Variants in PGLYRP3 observed in about 807,000 individuals in gnomAD.
PGLYRP3 encodes the protein peptidoglycan recognition protein I alpha.
PGLYRP3 carries 39 observed loss-of-function variants against 36.0 expected under a neutral mutation model. The ratio of observed to expected loss-of-function variants is 1.08; its 90% confidence interval spans 0.84 to 1.41. The LOEUF is 1.41. Ranked by LOEUF, PGLYRP3 falls within the 40% of genes most tolerant of loss-of-function variation. The pLI, the probability that PGLYRP3 is intolerant of heterozygous loss-of-function variation, is 0.00. For missense variants in PGLYRP3, 407 were observed against 427.9 expected, an observed-to-expected ratio of 0.95 and a Z score of 0.43; for synonymous variants, 204 against 172.8, an observed-to-expected ratio of 1.18 and a Z score of -1.42.
In PGLYRP3 at chr1:153,297,295, GCCCT is replaced by G; in HGVS notation, c.*657_*660del. On this transcript the variant is annotated 3_prime_UTR_variant, in exon 8 of 8. Transcript: ENST00000683862. ...TAAATCATATCTATAAATAATTACAGCCCTTAAGTAAGGGCTGCATCCAAATATG... is the reference window on the plus strand; with the variant it reads ...TAAATCATATCTATAAATAATTACAGTAAGTAAGGGCTGCATCCAAATATG... Among the ~76,000 whole-genome samples, 1 of 151,136 alleles carries G rather than the reference GCCCT, an allele frequency of 6.6e-6. No individual in the cohort carries two copies.
At chr1:153,298,999 A>G in intron 7 of PGLYRP3, 114 bp downstream of exon 7, 1 of 814,326 alleles carries the variant, frequency 1.2e-6, no homozygotes, top group South Asian at 1.5e-5. Context: ...TAAAGCTAAA[A>G]TGTTCCATTC....
intron 1 of PGLYRP3, 79 bp from the exon 2 acceptor site, chr1:153,310,785 C>A: frequency 1.1e-6 from 1 of 901,646 alleles, no homozygotes; most frequent in South Asian, 1.5e-5. Context: ...GCACCACTGT[C>A]TGCCTCCCCT....
At position 153,297,377 on chromosome 1, in the gene PGLYRP3, T is replaced by C. The variant is rs1011508444; in HGVS notation, c.*579A>G. On this transcript the variant is annotated 3_prime_UTR_variant, in exon 8 of 8. Coordinates refer to ENST00000683862, the MANE Select transcript of PGLYRP3 (RefSeq NM_052891.3). ...GGGGTGGGCACACTGACCTAGGTCA[T>C]GGGTGAGGGATGAAGGGTGGGGGCT... Among the ~76,000 whole-genome samples, 2 of 119,562 alleles carry C rather than the reference T, an allele frequency of 1.7e-5. No individual in the cohort carries two copies. Among genetic ancestry groups the C allele is most frequent in the Non-Finnish European group, 3.3e-5 (2 of 61,002 alleles). 78.4% of individuals were successfully genotyped at this position (119,562 alleles called of 152,430 possible).
chr1:153,305,293 A>G (rs1347341138), intron 3 of PGLYRP3, among the ~76,000 whole-genome samples: 1 of 152,224 alleles, frequency 6.6e-6, no homozygotes, highest in Non-Finnish European at 1.5e-5. Flanking sequence ...ACCTCACTTC[A>G]AAAATACTCA....
intron 2 of PGLYRP3, among the ~76,000 whole-genome samples, chr1:153,309,984 T>C (rs1221065013): frequency 6.6e-6 from 1 of 152,244 alleles, no homozygotes; most frequent in African/African-American, 2.4e-5. Context: ...GAGAAAGCTA[T>C]ATTACATTTT....
chr1:153,300,303 C>A (rs1474796743), intron 6 of PGLYRP3, among the ~76,000 whole-genome samples: 1 of 152,202 alleles, frequency 6.6e-6, no homozygotes, highest in African/African-American at 2.4e-5. Context: ...ATACTCCTCC[C>A]TCTAGAAGCC....
intron 6 of PGLYRP3, 46 bp downstream of exon 6, chr1:153,302,363 C>A (rs946252802): frequency 6.3e-7 from 1 of 1,595,888 alleles, no homozygotes; most frequent in African/African-American, 1.3e-5. Context: ...TTCCTTCCTA[C>A]AATCCTGAAG....
intron 7 of PGLYRP3, among the ~76,000 whole-genome samples, chr1:153,298,815 T>C (rs571173712): frequency 5.7e-4 from 87 of 152,162 alleles, no homozygotes; most frequent in African/African-American, 2.0e-3. Flanking sequence ...AGGGGACACA[T>C]TTGCCAACTG....
intron 7 of PGLYRP3, 26 bp from the exon 8 acceptor site, chr1:153,298,160 T>C: frequency 6.2e-7 from 1 of 1,607,202 alleles, no homozygotes; most frequent in Non-Finnish European, 8.5e-7. Context: ...TCCCCATCAG[T>C]CATTAGGGGC....
At chr1:153,301,211 G>A (rs532030087) in intron 6 of PGLYRP3, among the ~76,000 whole-genome samples, 2 of 152,296 alleles carry the variant, frequency 1.3e-5, no homozygotes, top group African/African-American at 4.8e-5. Flanking sequence ...ATGAGCCACC[G>A]TGCCTGGCCA....
At position 153,310,773 on chromosome 1, in the gene PGLYRP3, T is replaced by G. The variant is rs1431950204; in HGVS notation, c.-41-67A>C. 9.2e-6 allele frequency: 9 copies of G among 977,796 alleles called. No individual in the cohort carries two copies. In the African/African-American group the frequency reaches 1.5e-4, roughly 16 times the overall value. The allele number at this position is 977,796 out of a possible 1,614,324, so 60.6% of individuals were successfully genotyped here. The stretch of plus-strand genomic sequence containing the variant: ...GCAAGTGGAGCACCCACCTACTATG[T>G]GGCACCACTGTCTGCCTCCCCTACC... On this transcript the variant is annotated intron_variant, in intron 1 of 7. Coordinates refer to ENST00000683862, the MANE Select transcript of PGLYRP3 (RefSeq NM_052891.3).
chr1:153,298,962 G>C, intron 7 of PGLYRP3, 151 bp downstream of exon 7: 1 of 648,762 alleles, frequency 1.5e-6, no homozygotes, highest in South Asian at 1.9e-5. Flanking sequence ...GGGGATCCTG[G>C]TGACATCCTG....
At chr1:153,309,715 G>A (rs191218629) in intron 2 of PGLYRP3, among the ~76,000 whole-genome samples, 4 of 152,286 alleles carry the variant, frequency 2.6e-5, no homozygotes, top group East Asian at 1.9e-4. Flanking sequence ...GGAGGAGCCC[G>A]GAGAGGACAC....
intron 1 of PGLYRP3, among the ~76,000 whole-genome samples, chr1:153,311,844 AG>A (rs1659902774): frequency 6.6e-6 from 1 of 152,258 alleles, no homozygotes; most frequent in South Asian, 2.1e-4. Context: ...GGTCAGGACA[AG>A]CAACCACTTA....
rs1448180453 is a variant in PGLYRP3, at chr1:153,297,316, C to T, written c.*640G>A. 6.6e-6 allele frequency among the ~76,000 whole-genome samples: 1 copy of T among 151,056 alleles called. No individual in the cohort carries two copies. The highest frequency in any genetic ancestry group is 2.4e-5 in the African/African-American group (1 of 40,894). On this transcript the variant is annotated 3_prime_UTR_variant, in exon 8 of 8. Transcript: ENST00000683862. Reference sequence around the variant, plus strand: ...TACAGCCCTTAAGTAAGGGCTGCATCCAAATATGTACCAGTCCATGTGTGA... The same window carrying T: ...TACAGCCCTTAAGTAAGGGCTGCATTCAAATATGTACCAGTCCATGTGTGA...
Position 153,307,224 on chromosome 1 carries a change from C to T in PGLYRP3, c.99G>A (p.Pro33=), listed in dbSNP as rs760109875. Residue 33 remains proline (P), a synonymous_variant, in exon 3 of 8, where the codon CCG becomes CCA. Coordinates refer to ENST00000683862, the MANE Select transcript of PGLYRP3 (RefSeq NM_052891.3). ...GGGTCAGCAGGGCCCTGCAGGCGAG[C>T]GGTCTTGCCCCCCACTCCTTGCGGG... The part of the protein sequence containing the change: ...IVSRKEWGAR[P]LACRALLTLP... 45 of 1,610,094 alleles carry T rather than the reference C, an allele frequency of 2.8e-5. No individual in the cohort carries two copies. Among genetic ancestry groups the T allele is most frequent in the East Asian group, 2.2e-4 (10 of 44,758 alleles).
rs768135435 is a variant in PGLYRP3 at position 153,303,950 on chromosome 1, G to A, written c.436C>T (p.Gln146Ter). Residue 146 changes from glutamine (Q) to a stop codon, truncating the protein, a stop_gained, in exon 5 of 8, where the codon CAG becomes TAG. Coordinates refer to ENST00000683862, the MANE Select transcript of PGLYRP3 (RefSeq NM_052891.3). LOFTEE classifies it high-confidence loss of function. ...TACCTGGGCGACAGGTGACCCTTCT[G>A]GATGGCATAGGAGATCAGACCCTCT... ...AAEGLISYAIQKGHLSPRYIQ... is the reference protein window; with the variant it reads ...AAEGLISYAI 6 of 1,613,918 alleles carry A rather than the reference G, an allele frequency of 3.7e-6. No individual in the cohort carries two copies. In the Admixed American group the frequency reaches 5.0e-5, roughly 13 times the overall value.
In PGLYRP3 at chr1:153,307,055, T is replaced by C. The variant is rs1199952323; in HGVS notation, c.257+11A>G. 2 of 1,613,092 alleles carry C rather than the reference T, an allele frequency of 1.2e-6. No individual in the cohort carries two copies. Among genetic ancestry groups the C allele is most frequent in the Admixed American group, 1.7e-5 (1 of 59,934 alleles). On this transcript the variant is annotated intron_variant, in intron 3 of 7. Transcript: ENST00000683862. ...TGGATGTGGGCCTCAGGGACTTGGC[T>C]AGCCTCTTACTTGTACGCCACGTCG...
intron 6 of PGLYRP3, among the ~76,000 whole-genome samples, chr1:153,300,543 G>A (rs1659562539): frequency 6.6e-6 from 1 of 152,190 alleles, no homozygotes; most frequent in Admixed American, 6.5e-5. Context: ...GGACCCTCAT[G>A]CACACAAGCC....
Sources: gnomAD v4.1 joint callset for allele counts (sites outside exome capture counted in the v4.1 genomes callset) on GRCh38, gnomAD v4.1.1 for gene constraint, MANE v1.5 for transcripts, NCBI Gene and HGNC (gene_info 2026-07-23, HGNC 2026-07-21) for gene names.